The following CDH23 variants were observed in gnomAD, a reference collection of about 807,000 sequenced individuals.
CDH23 encodes the protein cadherin related 23.
Under a neutral mutation model 317.1 loss-of-function variants are expected in CDH23, and 189 were observed. That is an observed-to-expected ratio of 0.60 (90% CI 0.53 to 0.67). The LOEUF is 0.67. Ranked by LOEUF, CDH23 falls within the 30% of genes least tolerant of loss-of-function variation. The pLI is 0.00. For synonymous variants in CDH23, 1,839 were observed against 1,876.8 expected (o/e 0.98, Z 0.52); for missense variants, 4,401 against 4,592.4 (o/e 0.96, Z 1.20).
At chr10:71,427,318 G>A (rs770180491) in intron 1 of CDH23, among the ~76,000 whole-genome samples, 11 of 151,594 alleles carry the variant, frequency 7.3e-5, no homozygotes, top group South Asian at 2.1e-4. Context: ...CTCCCTCCCC[G>A]TTACCCCCAG....
chr10:71,678,671 A>G (rs1371826834), intron 16 of CDH23, among the ~76,000 whole-genome samples: 1 of 152,156 alleles, frequency 6.6e-6, no homozygotes, highest in East Asian at 1.9e-4. Context: ...GTGTACCCGG[A>G]GTGGTGGGGA....
chr10:71,429,292 T>A (rs1391014149), intron 1 of CDH23, among the ~76,000 whole-genome samples: 2 of 152,194 alleles, frequency 1.3e-5, no homozygotes, highest in African/African-American at 4.8e-5. Context: ...GTGCATGGGT[T>A]CTGTCTGCTC....
chr10:71,604,137 C>T (rs1860393318), intron 9 of CDH23, among the ~76,000 whole-genome samples: 1 of 152,190 alleles, frequency 6.6e-6, no homozygotes, highest in Middle Eastern at 3.4e-3. Context: ...TAATGGAAGG[C>T]CAGGCATGGT....
rs185819621 is a variant in CDH23, at chr10:71,791,162, T to C, written c.6080T>C (p.Ile2027Thr). The C allele has an allele frequency of 5.6e-6, 9 of 1,611,994 alleles. No individual in the cohort carries two copies. The Admixed American group carries it at 8.4e-5, about 15-fold the overall frequency. ...GVVTVRSGVIIDREAFSPPIL... is the reference protein window; with the variant it reads ...GVVTVRSGVITDREAFSPPIL... ...GTGACCGTGAGGTCAGGTGTCATCATTGACCGGGAGGCATTCTCGCCACCC... is the reference window on the plus strand; with the variant it reads ...GTGACCGTGAGGTCAGGTGTCATCACTGACCGGGAGGCATTCTCGCCACCC... The change falls in exon 47 of 70, where the codon ATT (isoleucine) becomes ACT (threonine). Residue 2027 changes from isoleucine to threonine, a missense_variant. Physicochemically the swap from Ile to Thr is moderately conservative, Grantham distance 89. Around this residue, in one of 3 missense-constraint regions of CDH23, gnomAD observed 3,068 missense variants for 3,203.3 expected, o/e 0.96. Transcript: ENST00000224721.
intron 6 of CDH23, among the ~76,000 whole-genome samples, chr10:71,521,756 T>G (rs1854699591): frequency 6.6e-6 from 1 of 152,212 alleles, no homozygotes; most frequent in African/African-American, 2.4e-5. Context: ...CCCCGGCTCT[T>G]CACTTAGTCC....
At chr10:71,661,650 C>A (rs953545860) in intron 14 of CDH23, among the ~76,000 whole-genome samples, 1 of 151,970 alleles carries the variant, frequency 6.6e-6, no homozygotes, top group Non-Finnish European at 1.5e-5. Flanking sequence ...GTCAGGAAAC[C>A]TAAATGTCAG....
chr10:71,400,714 G>A (rs892450614), intron 1 of CDH23, among the ~76,000 whole-genome samples: 12 of 152,144 alleles, frequency 7.9e-5, no homozygotes, highest in Non-Finnish European at 1.3e-4. Context: ...AAGGAGAATC[G>A]CTTGAACCTG....
At chr10:71,657,937 A>G (rs1863486665) in intron 14 of CDH23, among the ~76,000 whole-genome samples, 1 of 152,214 alleles carries the variant, frequency 6.6e-6, no homozygotes, top group Non-Finnish European at 1.5e-5. Flanking sequence ...ACACACACAG[A>G]CACACAGAAA....
At chr10:71,811,632 G>GAGGC (rs1463106536) in intron 64 of CDH23, 42 bp downstream of exon 64, 1 of 1,613,806 alleles carries the variant, frequency 6.2e-7, no homozygotes, top group Non-Finnish European at 8.5e-7. Flanking sequence ...CCGACCACCT[G>GAGGC]CTCCCGGATG....
At chr10:71,789,089 C>A (rs772814633) in intron 45 of CDH23, 47 bp downstream of exon 45, 8 of 917,404 alleles carry the variant, frequency 8.7e-6, no homozygotes, top group South Asian at 7.8e-5. Flanking sequence ...CCAGGCACCA[C>A]TGGGGCCTGG....
At chr10:71,547,881 A>T (rs1589192498) in intron 6 of CDH23, among the ~76,000 whole-genome samples, 1 of 151,994 alleles carries the variant, frequency 6.6e-6, no homozygotes, top group Admixed American at 6.5e-5. Context: ...GCCTCCATGG[A>T]GATGGGAGTG....
intron 62 of CDH23, 64 bp from the exon 63 acceptor site, chr10:71,811,251 A>G (rs1841911951): frequency 5.6e-6 from 9 of 1,612,114 alleles, no homozygotes; most frequent in African/African-American, 1.3e-5. Flanking sequence ...GCAGGAGCAG[A>G]GCAGACTGTC....
intron 28 of CDH23, chr10:71,713,911 G>C (rs1410227654): frequency 2.0e-5 from 3 of 153,382 alleles, no homozygotes; most frequent in Non-Finnish European, 4.3e-5. Flanking sequence ...AAACCAGGAA[G>C]AGGTTACTGA....
At chr10:71,574,587 C>A (rs1189892929) in intron 8 of CDH23, among the ~76,000 whole-genome samples, 1 of 152,172 alleles carries the variant, frequency 6.6e-6, no homozygotes, top group African/African-American at 2.4e-5. Context: ...CCTTTCAAGT[C>A]CTTAATCCCG....
intron 38 of CDH23, chr10:71,752,022 G>T: frequency 1.2e-6 from 1 of 836,738 alleles, no homozygotes; most frequent in Non-Finnish European, 2.0e-6. Flanking sequence ...GGCCCACAGA[G>T]CAAAGGCCAT....
chr10:71,520,467 C>G (rs542715801), intron 6 of CDH23, among the ~76,000 whole-genome samples: 93 of 152,320 alleles, frequency 6.1e-4, no homozygotes, highest in South Asian at 3.7e-3. Flanking sequence ...AGGGTCACCC[C>G]GCAATTAGTG....
At chr10:71,532,597 G>T (rs1337388417) in intron 6 of CDH23, among the ~76,000 whole-genome samples, 2 of 152,144 alleles carry the variant, frequency 1.3e-5, no homozygotes, top group Non-Finnish European at 2.9e-5. Flanking sequence ...TCTGGGGCTG[G>T]ATGGAGACTC....
chr10:71,685,764 A>G (rs1012366561), intron 18 of CDH23, among the ~76,000 whole-genome samples: 1 of 152,242 alleles, frequency 6.6e-6, no homozygotes, highest in African/African-American at 2.4e-5. Flanking sequence ...TTGTCTCTCA[A>G]GCAGGGCCTC....
rs748539398 is a variant in CDH23 at position 71,511,203 on chromosome 10, C to T, written c.420C>T (p.Arg140=). ...TTCACAATCAGCCCTACAGCGTCCG[C>T]ATCCCTGAGGTAGGAGCCACTGGGG... The part of the protein sequence containing the change: ...PTFHNQPYSV[R]IPENTPVGTP... The change falls in exon 6 of 70, where the codon CGC becomes CGT. Residue 140 remains arginine (R), a synonymous_variant. Coordinates refer to ENST00000224721, the MANE Select transcript of CDH23 (RefSeq NM_022124.6). 2.5e-6 allele frequency: 4 copies of T among 1,613,282 alleles called. No individual in the cohort carries two copies. Among genetic ancestry groups the T allele is most frequent in the African/African-American group, 1.3e-5 (1 of 74,902 alleles).
Sources: allele counts gnomAD v4.1 joint callset (sites outside exome capture counted in the v4.1 genomes callset), GRCh38; gene constraint gnomAD v4.1.1; regional missense constraint gnomAD v4.1.1; transcripts MANE v1.5; gene names NCBI Gene and HGNC (gene_info 2026-07-23, HGNC 2026-07-21).